The following OPRM1 variants were observed in gnomAD, a reference collection of about 807,000 sequenced individuals.
OPRM1 encodes the protein mu-type opioid receptor.
In OPRM1, 27 loss-of-function variants were observed where a neutral mutation model predicts 31.8. That is an observed-to-expected ratio of 0.85 (90% CI 0.63 to 1.17). The LOEUF (loss-of-function observed/expected upper bound fraction) is 1.17, where lower values mean the gene tolerates loss of function less well. Ranked by LOEUF, OPRM1 falls within the 50% of genes most tolerant of loss-of-function variation. OPRM1 has a pLI of 0.00. For synonymous variants in OPRM1, 196 were observed against 189.9 expected (o/e 1.03, Z -0.26); for missense variants, 536 against 511.1 (o/e 1.05, Z -0.47).
Position 154,237,811 on chromosome 6 carries a change from T to C in OPRM1, c.1165-8882T>C, listed in dbSNP as rs558573526. ...ACACACATATACATATGTATGTTTA[T>C]ACACATGCATATCTATATATATGTT... On this transcript the variant is annotated intron_variant, in intron 3 of 3. Coordinates refer to the OPRM1 transcript ENST00000337049. Among the ~76,000 whole-genome samples, 16 of 152,308 alleles carry C rather than the reference T, an allele frequency of 1.1e-4. No homozygotes were observed. The East Asian group carries it at 2.7e-3, about 26-fold the overall frequency.
At chr6:154,146,835 A>T (rs1465761840) in intron 3 of OPRM1, among the ~76,000 whole-genome samples, 1 of 152,082 alleles carries the variant, frequency 6.6e-6, no homozygotes, top group Non-Finnish European at 1.5e-5. Flanking sequence ...GGGGCCAGAG[A>T]TGGGGATTTT....
At chr6:154,173,822 C>A (rs567452718) in intron 3 of OPRM1, among the ~76,000 whole-genome samples, 9 of 152,094 alleles carry the variant, frequency 5.9e-5, no homozygotes, top group African/African-American at 1.9e-4. Context: ...ATACAGAGAA[C>A]GCCACAAAGA....
At chr6:154,196,251 T>C (rs1776617293) in intron 3 of OPRM1, among the ~76,000 whole-genome samples, 1 of 152,212 alleles carries the variant, frequency 6.6e-6, no homozygotes, top group African/African-American at 2.4e-5. Context: ...GCATACTGCA[T>C]GATTCCAACA....
intron 3 of OPRM1, among the ~76,000 whole-genome samples, chr6:154,102,918 CAAAAAA>C (rs58694186): frequency 2.5e-5 from 2 of 80,798 alleles, no homozygotes; most frequent in African/African-American, 7.2e-5. Context: ...TAACCAGTTG[CAAAAAA>C]AAAAAAAAAA....
At chr6:154,180,218 C>T (rs1022984904) in intron 3 of OPRM1, among the ~76,000 whole-genome samples, 4 of 151,852 alleles carry the variant, frequency 2.6e-5, no homozygotes, top group East Asian at 1.9e-4. Context: ...TGAGTTGGTG[C>T]GAATTTGGGT....
chr6:154,154,646 A>G (rs1360650940), intron 3 of OPRM1: 1 of 152,292 alleles, frequency 6.6e-6, no homozygotes, highest in Non-Finnish European at 1.5e-5. Context: ...TCTTTGAGAA[A>G]GCAACACTGC....
At chr6:154,228,456 A>C (rs1248474746) in intron 3 of OPRM1, among the ~76,000 whole-genome samples, 2 of 152,240 alleles carry the variant, frequency 1.3e-5, no homozygotes, top group African/African-American at 4.8e-5. Flanking sequence ...ATCTAGTCTT[A>C]AATTCAGAAG....
intron 1 of OPRM1, among the ~76,000 whole-genome samples, chr6:154,065,167 T>C (rs1785136962): frequency 6.6e-6 from 1 of 151,410 alleles, no homozygotes; most frequent in Admixed American, 6.6e-5. Flanking sequence ...TTTTTTTTTT[T>C]TTAGACAGAG....
chr6:154,246,801 G>A (rs1051781760), exon 4 of OPRM1: 1 of 1,592,368 alleles, frequency 6.3e-7, no homozygotes, highest in Non-Finnish European at 8.6e-7. Context: ...GTATTACCCT[G>A]ATTTGGTAGG....
At chr6:154,054,292 C>T (rs1375430766) in intron 1 of OPRM1, among the ~76,000 whole-genome samples, 1 of 150,494 alleles carries the variant, frequency 6.6e-6, no homozygotes, top group African/African-American at 2.5e-5. Context: ...TTGCGTGGAC[C>T]CGGGAGGCGG....
At chr6:154,164,704 C>T (rs933294646) in intron 3 of OPRM1, among the ~76,000 whole-genome samples, 5 of 152,086 alleles carry the variant, frequency 3.3e-5, no homozygotes, top group African/African-American at 7.2e-5. Flanking sequence ...AGAGTAGCTA[C>T]GGGAAGAAAG....
chr6:154,217,537 C>CA (rs1303621241), intron 3 of OPRM1: 1 of 151,656 alleles, frequency 6.6e-6, no homozygotes, highest in Non-Finnish European at 1.5e-5. Context: ...CACACACACA[C>CA]AAAAAAAGTG....
intron 3 of OPRM1, among the ~76,000 whole-genome samples, chr6:154,197,605 C>T (rs1776717339): frequency 6.6e-6 from 1 of 152,206 alleles, no homozygotes; most frequent in Admixed American, 6.5e-5. Flanking sequence ...TACCAGGTTG[C>T]TTCATTCTTA....
chr6:154,177,882 A>T (rs2128563648), intron 3 of OPRM1, among the ~76,000 whole-genome samples: 2 of 152,328 alleles, frequency 1.3e-5, no homozygotes, highest in South Asian at 4.1e-4. Context: ...AAGACTTGTA[A>T]CCAACCCAAA....
intron 1 of OPRM1, among the ~76,000 whole-genome samples, chr6:154,084,553 A>G (rs936752578): frequency 6.6e-6 from 1 of 152,226 alleles, no homozygotes; most frequent in African/African-American, 2.4e-5. Flanking sequence ...ATTACTTGAA[A>G]TGTAGGAAAG....
At chr6:154,099,198 T>C (rs2128497487) in intron 3 of OPRM1, among the ~76,000 whole-genome samples, 1 of 151,788 alleles carries the variant, frequency 6.6e-6, no homozygotes, top group East Asian at 1.9e-4. Context: ...GGTGGGAGAA[T>C]TGATTGAACC....
At chr6:154,040,328 C>T (rs1779801151) in intron 1 of OPRM1, among the ~76,000 whole-genome samples, 1 of 151,970 alleles carries the variant, frequency 6.6e-6, no homozygotes, top group Non-Finnish European at 1.5e-5. Flanking sequence ...TTGAGATGGA[C>T]CTTGGCAACT....
At chr6:154,045,426 A>T (rs1375737238) in intron 1 of OPRM1, among the ~76,000 whole-genome samples, 1 of 152,174 alleles carries the variant, frequency 6.6e-6, no homozygotes, top group African/African-American at 2.4e-5. Context: ...TTGGGACCCA[A>T]TATATAAAAC....
intron 3 of OPRM1, among the ~76,000 whole-genome samples, chr6:154,093,832 T>C (rs1448025825): frequency 1.3e-5 from 2 of 152,220 alleles, no homozygotes; most frequent in African/African-American, 4.8e-5. Flanking sequence ...GTGTCATCAT[T>C]AGAATTAAAG....
Sources: allele counts gnomAD v4.1 joint callset (sites outside exome capture counted in the v4.1 genomes callset), GRCh38; gene constraint gnomAD v4.1.1; transcripts MANE v1.5; gene names NCBI Gene and HGNC (gene_info 2026-07-23, HGNC 2026-07-21).